ERCC8: variants seen among roughly 807,000 people sequenced by gnomAD.
The protein encoded by ERCC8 is ERCC excision repair 8, CSA ubiquitin ligase complex subunit, also known as DNA excision repair protein ERCC-8.
In ERCC8, 52 loss-of-function variants were observed where a neutral mutation model predicts 54.9. The observed-to-expected ratio is 0.95, with a 90% CI of 0.76 to 1.19. ERCC8 has a LOEUF of 1.19. Among genes scored for constraint, ERCC8 ranks in the 50% most tolerant of loss-of-function variants. ERCC8 has a pLI of 0.00. For synonymous variants in ERCC8, 146 were observed against 157.2 expected (o/e 0.93, Z 0.53); for missense variants, 514 against 466.1 (o/e 1.10, Z -0.95).
chr5:60,874,842 A>G (rs1390070847), intron 11 of ERCC8, among the ~76,000 whole-genome samples, 159 bp from the exon 12 acceptor site: 1 of 152,234 alleles, frequency 6.6e-6, no homozygotes, highest in Admixed American at 6.5e-5. Context: ...ATAAGAAACA[A>G]CCCATATACA....
At position 60,873,888 on chromosome 5, in the gene ERCC8, C is replaced by T. The variant is rs1747920716; in HGVS notation, c.*727G>A. ...TTTCATGTTTAAGCCAGATTCCCTG[C>T]CAGGATATTTTCTGCTTGAATTAAT... On this transcript the variant is annotated 3_prime_UTR_variant, in exon 12 of 12. Coordinates refer to ENST00000676185, the MANE Select transcript of ERCC8 (RefSeq NM_000082.4). The T allele has an allele frequency of 6.6e-6, 1 of 152,004 alleles. No homozygotes were observed. Among genetic ancestry groups the T allele is most frequent in the Non-Finnish European group, 1.5e-5 (1 of 68,022 alleles). 9.4% of individuals were successfully genotyped at this position (152,004 alleles called of 1,614,324 possible).
In ERCC8 at chr5:60,918,676, T is replaced by A. The variant is rs1479646; in HGVS notation, c.276-288A>T. On this transcript the variant is annotated intron_variant, in intron 3 of 11. Coordinates refer to ENST00000676185, the MANE Select transcript of ERCC8 (RefSeq NM_000082.4). The stretch of plus-strand genomic sequence containing the variant: ...TGGAGGCATCAGCCAACTACACTGG[T>A]CTTCTTTCATCTTGAAAGAGTGATT... 0.99 allele frequency: 387,668 copies of A among 391,194 alleles called. 192,138 individuals carry two copies. The highest frequency in any genetic ancestry group is 1 in the East Asian group (17,855 of 17,858). The allele number at this position is 391,194 out of a possible 1,614,324, so 24.2% of individuals were successfully genotyped here.
chr5:60,919,318 T>C (rs900827829), intron 3 of ERCC8: 1 of 151,970 alleles, frequency 6.6e-6, no homozygotes, highest in African/African-American at 2.4e-5. Context: ...AGCTGGGTGA[T>C]TGATACACAG....
chr5:60,893,300 C>T, intron 9 of ERCC8: 1 of 922,906 alleles, frequency 1.1e-6, no homozygotes, highest in Non-Finnish European at 1.8e-6. Flanking sequence ...TTCTTCCTTA[C>T]ACTGAAACTC....
At chr5:60,933,131 ATT>A (rs1480216305) in intron 1 of ERCC8, among the ~76,000 whole-genome samples, 1 of 140,550 alleles carries the variant, frequency 7.1e-6, no homozygotes, top group African/African-American at 2.7e-5. Context: ...TTTACCTTTT[ATT>A]TTTGTTTTAA....
chr5:60,887,247 C>T lies in ERCC8; in HGVS notation c.1122+193G>A, dbSNP rs4647131. On this transcript the variant is annotated intron_variant, in intron 11 of 11. Coordinates refer to ENST00000676185, the MANE Select transcript of ERCC8 (RefSeq NM_000082.4). ...TGTTGTTGTTGTTCTGAGATGGGGT[C>T]TCACTACATTGCCCAGGCTGGTCTT... Among the ~76,000 whole-genome samples, 4,354 of 152,228 alleles carry T rather than the reference C, an allele frequency of 0.029. 143 individuals carry two copies. The highest frequency in any genetic ancestry group is 0.076 in the African/African-American group (3,166 of 41,514).
chr5:60,941,890 T>A (rs1372194237), intron 1 of ERCC8, among the ~76,000 whole-genome samples: 8 of 152,252 alleles, frequency 5.3e-5, no homozygotes, highest in Middle Eastern at 6.8e-3. Flanking sequence ...CCTTAAAATA[T>A]GATTGATGGT....
At chr5:60,894,717 A>C (rs1343404730) in intron 9 of ERCC8, among the ~76,000 whole-genome samples, 1 of 152,122 alleles carries the variant, frequency 6.6e-6, no homozygotes, top group Non-Finnish European at 1.5e-5. Context: ...ACACTAATGC[A>C]AATTTGAGAA....
At chr5:60,880,674 A>C (rs146756346) in intron 11 of ERCC8, among the ~76,000 whole-genome samples, 1 of 152,138 alleles carries the variant, frequency 6.6e-6, no homozygotes, top group Admixed American at 6.5e-5. Flanking sequence ...TGAGGCTTGA[A>C]CATTCATCAC....
intron 1 of ERCC8, among the ~76,000 whole-genome samples, chr5:60,933,264 G>C (rs1335414937): frequency 1.5e-5 from 2 of 131,824 alleles, no homozygotes; most frequent in African/African-American, 5.8e-5. Context: ...TGTCACCCAG[G>C]CTGGAGTGCT....
intron 3 of ERCC8, among the ~76,000 whole-genome samples, chr5:60,918,922 CAT>C (rs1749519423): frequency 6.6e-6 from 1 of 152,020 alleles, no homozygotes; most frequent in African/African-American, 2.4e-5. Context: ...TCCATAAAAA[CAT>C]AACATGTTGA....
intron 11 of ERCC8, 86 bp from the exon 12 acceptor site, chr5:60,874,769 T>C: frequency 1.8e-6 from 2 of 1,098,284 alleles, no homozygotes; most frequent in South Asian, 1.5e-5. Context: ...ATGAAATATA[T>C]CAGATAAATA....
chr5:60,903,548 C>T, intron 6 of ERCC8, 100 bp downstream of exon 6: 1 of 1,567,040 alleles, frequency 6.4e-7, no homozygotes, highest in Admixed American at 1.8e-5. Flanking sequence ...GCACAAAGTA[C>T]ATTAGTCATG....
chr5:60,900,485 G>A (rs1748844423), intron 7 of ERCC8, among the ~76,000 whole-genome samples: 1 of 151,928 alleles, frequency 6.6e-6, no homozygotes, highest in South Asian at 2.1e-4. Flanking sequence ...GCTTATCAAT[G>A]CCATTTTAAT....
intron 7 of ERCC8, chr5:60,900,895 G>C (rs1227582908): frequency 1.3e-5 from 2 of 151,964 alleles, no homozygotes; most frequent in East Asian, 3.9e-4. Context: ...AGCATAACCA[G>C]CACCTAGCTC....
chr5:60,941,222 GC>G (rs1381336287), intron 1 of ERCC8, among the ~76,000 whole-genome samples: 1 of 152,078 alleles, frequency 6.6e-6, no homozygotes, highest in African/African-American at 2.4e-5. Context: ...GAAAGTCTCA[GC>G]AAAGAAATAG....
Position 60,887,482 on chromosome 5 carries a change from A to G in ERCC8, c.1080T>C (p.Ala360=), listed in dbSNP as rs4647130. The G allele has an allele frequency of 2.0e-3, 3,284 of 1,614,052 alleles. 114 individuals carry two copies. In the East Asian group the frequency reaches 0.068, roughly 34 times the overall value. The part of the protein sequence containing the change: ...YSGSRDCNIL[A]WVPSLYEPVP... ...CTGGTTCATATAAGGATGGAACCCA[A>G]GCCAGAATGTTGCAGTCTCTGCTAC... The change falls in exon 11 of 12, where the codon GCT becomes GCC. Residue 360 remains alanine, a synonymous_variant. Transcript: ENST00000676185.
chr5:60,900,122 C>T (rs928435425), intron 7 of ERCC8, among the ~76,000 whole-genome samples: 1 of 151,982 alleles, frequency 6.6e-6, no homozygotes, highest in Non-Finnish European at 1.5e-5. Context: ...ACTAATTTCA[C>T]TTTGCTCAAG....
chr5:60,925,476 A>G (rs918597983), intron 2 of ERCC8, among the ~76,000 whole-genome samples: 2 of 152,268 alleles, frequency 1.3e-5, no homozygotes, highest in South Asian at 2.1e-4. Flanking sequence ...GGCCACTCAA[A>G]CATATCTACA....
Sources: gnomAD v4.1 joint callset for allele counts (sites outside exome capture counted in the v4.1 genomes callset) on GRCh38, gnomAD v4.1.1 for gene constraint, MANE v1.5 for transcripts, NCBI Gene and HGNC (gene_info 2026-07-23, HGNC 2026-07-21) for gene names.